Variants in SCAF4 observed in about 807,000 individuals in gnomAD.
SCAF4 encodes the protein SR-related and CTD-associated factor 4.
SCAF4 carries 25 observed loss-of-function variants against 129.8 expected under a neutral mutation model. That is an observed-to-expected ratio of 0.19 (90% CI 0.14 to 0.27). SCAF4 has a LOEUF of 0.27. Ranked by LOEUF, SCAF4 falls within the 10% of genes least tolerant of loss-of-function variation. SCAF4 has a pLI of 1.00. For missense variants in SCAF4, 1,246 were observed against 1,457.1 expected (o/e 0.86, Z 2.36); for synonymous variants, 551 against 497.7 (o/e 1.11, Z -1.43).
chr21:31,702,322 T>C lies in SCAF4; in HGVS notation c.379A>G (p.Ile127Val). ...GCCATGTCCAAAAGAGGTTGAATAA[T>C]TTCAATTTTGAACACTCCATTTTTT... ...WQKNGVFKIE[I>V]IQPLLDMAAG... The change falls in exon 5 of 20, where the codon ATT becomes GTT. Residue 127 changes from isoleucine (I) to valine (V), a missense_variant. Ile to Val is a conservative substitution (Grantham distance 29). Coordinates refer to ENST00000286835, the MANE Select transcript of SCAF4 (RefSeq NM_020706.2). The C allele has an allele frequency of 6.2e-7, 1 of 1,614,138 alleles. No individual in the cohort carries two copies. The highest frequency in any genetic ancestry group is 1.3e-5 in the African/African-American group (1 of 75,042).
chr21:31,681,741 T>G (rs2049999636), intron 19 of SCAF4, among the ~76,000 whole-genome samples: 1 of 152,194 alleles, frequency 6.6e-6, no homozygotes, highest in South Asian at 2.1e-4. Flanking sequence ...AAGTTGGTTT[T>G]ATTCCCTCCA....
chr21:31,696,330 C>A (rs1169969478), intron 8 of SCAF4, 109 bp from the exon 9 acceptor site: 8 of 800,946 alleles, frequency 1.0e-5, no homozygotes, highest in Non-Finnish European at 1.4e-5. Context: ...TTTTACTGAA[C>A]CATATATTTA....
chr21:31,730,874 G>A (rs976189904), intron 1 of SCAF4, among the ~76,000 whole-genome samples: 2 of 152,202 alleles, frequency 1.3e-5, no homozygotes, highest in East Asian at 1.9e-4. Context: ...CTCGTAGAAG[G>A]GAGCCGAGGA....
At chr21:31,704,125 C>T (rs2050597823) in intron 3 of SCAF4, among the ~76,000 whole-genome samples, 199 bp from the exon 4 acceptor site, 1 of 151,872 alleles carries the variant, frequency 6.6e-6, no homozygotes, top group South Asian at 2.1e-4. Flanking sequence ...TCTCTTGATA[C>T]TACTGACCCC....
intron 1 of SCAF4, among the ~76,000 whole-genome samples, chr21:31,726,793 T>C (rs1027720999): frequency 2.6e-5 from 4 of 152,168 alleles, no homozygotes; most frequent in Admixed American, 1.3e-4. Flanking sequence ...TATTAACTAA[T>C]CTTAATAGAC....
intron 15 of SCAF4, among the ~76,000 whole-genome samples, chr21:31,689,118 G>A (rs1257084808): frequency 6.6e-6 from 1 of 152,030 alleles, no homozygotes; most frequent in Non-Finnish European, 1.5e-5. Flanking sequence ...ACTGTCTAGC[G>A]CCTCCCAGAT....
chr21:31,690,377 C>A (rs557079397), intron 15 of SCAF4, among the ~76,000 whole-genome samples: 1 of 151,636 alleles, frequency 6.6e-6, no homozygotes, highest in African/African-American at 2.4e-5. Flanking sequence ...CCCAGCTACT[C>A]GGGAGACTGA....
intron 1 of SCAF4, among the ~76,000 whole-genome samples, chr21:31,719,785 T>G (rs980950689): frequency 2.2e-4 from 33 of 152,208 alleles, no homozygotes; most frequent in African/African-American, 8.0e-4. Context: ...ATTACAGGCG[T>G]GAGCCACCGC....
Position 31,685,647 on chromosome 21 carries a change from G to T in SCAF4, c.2130C>A (p.Gly710=). 1.2e-6 allele frequency: 2 copies of T among 1,614,012 alleles called. No homozygotes were observed. Among genetic ancestry groups the T allele is most frequent in the Non-Finnish European group, 1.7e-6 (2 of 1,179,980 alleles). The change falls in exon 17 of 20, where the codon GGC becomes GGA. Residue 710 remains glycine (G), a synonymous_variant. Transcript: ENST00000286835. ...GGGGAGGAGGAACACCAGGACCAAA[G>T]CCTGGAGGCGGTATTCCCAGAGGAG... ...FTPPLGIPPP[G]FGPGVPPPPP...
chr21:31,691,674 A>T (rs1293131774), intron 14 of SCAF4, 143 bp downstream of exon 14: 10 of 219,236 alleles, frequency 4.6e-5, no homozygotes, highest in East Asian at 6.5e-5. Flanking sequence ...ATATTCTTTA[A>T]AAAAAAAAAA....
chr21:31,687,704 A>G (rs1035322009), intron 16 of SCAF4, among the ~76,000 whole-genome samples: 5 of 151,782 alleles, frequency 3.3e-5, no homozygotes, highest in Non-Finnish European at 7.4e-5. Context: ...CAGGACACAA[A>G]GTCCCTGAAG....
chr21:31,693,132 G>A (rs1489730188), intron 12 of SCAF4, among the ~76,000 whole-genome samples, 162 bp downstream of exon 12: 1 of 152,144 alleles, frequency 6.6e-6, no homozygotes, highest in Non-Finnish European at 1.5e-5. Flanking sequence ...AAATCTAAGG[G>A]TATACATCAA....
At chr21:31,702,497 T>G (rs1387746035) in intron 4 of SCAF4, 118 bp from the exon 5 acceptor site, 1 of 917,360 alleles carries the variant, frequency 1.1e-6, no homozygotes, top group East Asian at 2.6e-5. Context: ...TATGTGTGTT[T>G]CATAAACAAG....
intron 1 of SCAF4, among the ~76,000 whole-genome samples, chr21:31,711,635 C>T (rs1357937552): frequency 2.0e-5 from 3 of 152,126 alleles, no homozygotes; most frequent in Non-Finnish European, 4.4e-5. Context: ...ATTCTTTTAA[C>T]TAGTACCTAA....
chr21:31,721,180 TTC>T (rs552709044), intron 1 of SCAF4, among the ~76,000 whole-genome samples: 36 of 152,194 alleles, frequency 2.4e-4, no homozygotes, highest in Non-Finnish European at 4.9e-4. Context: ...ATAATCTACT[TTC>T]TGTCTCTACG....
chr21:31,694,029 GT>G lies in SCAF4; in HGVS notation c.1322+174del, dbSNP rs565283800. 2.8e-3 allele frequency among the ~76,000 whole-genome samples: 406 copies of G among 146,248 alleles called. 2 individuals carry two copies. Among genetic ancestry groups the G allele is most frequent in the African/African-American group, 9.1e-3 (366 of 40,192 alleles). ...GAAAAAAAGTAAGATGAATGATGTA[GT>G]TTTTTTTTTTACATCAATACTTCAC... is the stretch of plus-strand genomic sequence containing the variant. On this transcript the variant is annotated intron_variant, in intron 11 of 19. Transcript: ENST00000286835.
At chr21:31,715,121 G>C (rs2123650893) in intron 1 of SCAF4, among the ~76,000 whole-genome samples, 1 of 152,172 alleles carries the variant, frequency 6.6e-6, no homozygotes, top group Admixed American at 6.5e-5. Flanking sequence ...CATCAGCAAG[G>C]CGACATTCCT....
Position 31,701,810 on chromosome 21 carries a change from A to C in SCAF4, c.566T>G (p.Val189Gly). 6.2e-7 allele frequency: 1 copy of C among 1,613,516 alleles called. No individual in the cohort carries two copies. Among genetic ancestry groups the C allele is most frequent in the Non-Finnish European group, 8.5e-7 (1 of 1,179,874 alleles). Residue 189 changes from valine to glycine, a missense_variant, in exon 6 of 20, where the codon GTG becomes GGG. Val to Gly is a moderately radical substitution (Grantham distance 109, BLOSUM62 -3). Transcript: ENST00000286835. ...TTGAGTTGTCTGAAACAGCTGAGCC[A>C]CAGCAGCAAAAGCATCAGAGCTGGG... ...QLPSSDAFAA[V>G]AQLFQTTQGQ... is the part of the protein sequence containing the mutation.
intron 19 of SCAF4, among the ~76,000 whole-genome samples, chr21:31,677,650 T>C (rs182064773): frequency 1.4e-4 from 21 of 152,182 alleles, no homozygotes; most frequent in East Asian, 1.4e-3. Flanking sequence ...TCTCTCCCCC[T>C]CTTTCCTGCC....
Sources: gnomAD v4.1 joint callset for allele counts (sites outside exome capture counted in the v4.1 genomes callset) on GRCh38, gnomAD v4.1.1 for gene constraint, MANE v1.5 for transcripts, NCBI Gene and HGNC (gene_info 2026-07-23, HGNC 2026-07-21) for gene names.